DLC1: variants seen among roughly 807,000 people sequenced by gnomAD.
DLC1 encodes DLC1 Rho GTPase activating protein, also known as rho GTPase-activating protein 7.
In DLC1, 54 loss-of-function variants were observed where a neutral mutation model predicts 140.3. That is an observed-to-expected ratio of 0.38 (90% CI 0.31 to 0.48). The LOEUF is 0.48. DLC1 is among the 20% of genes least tolerant of loss of function. The pLI is 0.96. For synonymous variants in DLC1, 986 were observed against 728.1 expected, an observed-to-expected ratio of 1.35 and a Z score of -5.70; for missense variants, 2,536 against 1,907.0, an observed-to-expected ratio of 1.33 and a Z score of -6.14.
intron 1 of DLC1, among the ~76,000 whole-genome samples, chr8:13,589,549 T>A (rs1022263046): frequency 6.6e-6 from 1 of 152,102 alleles, no homozygotes. Context: ...TATGACATCA[T>A]AGAGAATCAT....
chr8:13,269,730 C>T (rs1189898568), intron 5 of DLC1, among the ~76,000 whole-genome samples: 1 of 131,218 alleles, frequency 7.6e-6, no homozygotes, highest in Non-Finnish European at 1.6e-5. Context: ...AAAAAAGACA[C>T]ATTATAATTA....
chr8:13,093,376 C>G (rs558631983), intron 12 of DLC1, among the ~76,000 whole-genome samples: 1 of 151,948 alleles, frequency 6.6e-6, no homozygotes, highest in Non-Finnish European at 1.5e-5. Flanking sequence ...CTGAATTGAA[C>G]TGAACTGAAA....
At chr8:13,229,645 G>C (rs1163290159) in intron 5 of DLC1, among the ~76,000 whole-genome samples, 1 of 150,666 alleles carries the variant, frequency 6.6e-6, no homozygotes, top group Non-Finnish European at 1.5e-5. Flanking sequence ...AAGGAAGAGA[G>C]AGAGAAAGAG....
Position 13,270,242 on chromosome 8 carries a change from G to C in DLC1, c.1348+35027C>G, listed in dbSNP as rs143625575. Reference sequence around the variant, plus strand: ...AATATGACCCTCCTACCAGGCCTTCGATTTTGGACATATCTAGGTATTGTA... The same window carrying C: ...AATATGACCCTCCTACCAGGCCTTCCATTTTGGACATATCTAGGTATTGTA... On this transcript the variant is annotated intron_variant, in intron 5 of 17. Transcript: ENST00000276297. Among the ~76,000 whole-genome samples the C allele has an allele frequency of 7.0e-3, 1,058 of 152,190 alleles. 10 individuals carry two copies. Among genetic ancestry groups the C allele is most frequent in the Non-Finnish European group, 0.012 (810 of 68,016 alleles).
At chr8:13,354,620 T>C (rs1834834726) in intron 4 of DLC1, among the ~76,000 whole-genome samples, 1 of 152,072 alleles carries the variant, frequency 6.6e-6, no homozygotes, top group African/African-American at 2.4e-5. Context: ...ACTTAGCTCA[T>C]TGGTAAAGTT....
intron 5 of DLC1, among the ~76,000 whole-genome samples, chr8:13,225,064 A>G (rs1055894688): frequency 6.6e-6 from 1 of 152,228 alleles, no homozygotes; most frequent in Non-Finnish European, 1.5e-5. Flanking sequence ...GATCCCAGCC[A>G]CTTAATTTCA....
intron 5 of DLC1, among the ~76,000 whole-genome samples, chr8:13,195,250 T>A (rs905609572): frequency 6.6e-6 from 1 of 150,780 alleles, no homozygotes; most frequent in African/African-American, 2.4e-5. Context: ...CAGAGTTGCA[T>A]GGATACCTTG....
At chr8:13,519,122 C>A (rs972762696), upstream of DLC1, among the ~76,000 whole-genome samples, 2 of 150,672 alleles carry the variant, frequency 1.3e-5, no homozygotes, top group African/African-American at 4.9e-5. Flanking sequence ...GGTATATCTC[C>A]TAATGCTATC....
intron 2 of DLC1, among the ~76,000 whole-genome samples, chr8:13,405,229 C>T (rs73553450): frequency 0.17 from 25,186 of 151,968 alleles, 2,784 homozygotes; most frequent in East Asian, 0.39. Context: ...TGGGGTATGA[C>T]TGATCCTGTC....
intron 1 of DLC1, among the ~76,000 whole-genome samples, chr8:13,579,363 T>TA (rs1563454119): frequency 2.9e-4 from 11 of 38,192 alleles, no homozygotes; most frequent in African/African-American, 1.5e-3. Flanking sequence ...ATATATATAT[T>TA]TTTATATAAT....
intron 4 of DLC1, among the ~76,000 whole-genome samples, chr8:13,351,266 A>G (rs1834649581): frequency 6.6e-6 from 1 of 152,254 alleles, no homozygotes; most frequent in African/African-American, 2.4e-5. Flanking sequence ...AAGGATTATT[A>G]TCCTCATGTT....
chr8:13,282,067 C>T (rs1420461675), intron 5 of DLC1, among the ~76,000 whole-genome samples: 1 of 152,176 alleles, frequency 6.6e-6, no homozygotes, highest in East Asian at 1.9e-4. Flanking sequence ...AGGGTGGGGA[C>T]TCGTCCCTCC....
At chr8:13,383,721 A>T (rs1836377452) in intron 4 of DLC1, among the ~76,000 whole-genome samples, 1 of 152,202 alleles carries the variant, frequency 6.6e-6, no homozygotes, top group South Asian at 2.1e-4. Context: ...CATCGGTGGA[A>T]GTCAGGTGCC....
At chr8:13,242,675 G>A (rs995852758) in intron 5 of DLC1, among the ~76,000 whole-genome samples, 15 of 152,106 alleles carry the variant, frequency 9.9e-5, no homozygotes, top group South Asian at 2.1e-4. Context: ...TTACAGGTGT[G>A]AGCCATTGTG....
chr8:13,313,644 G>A (rs1287159969), intron 4 of DLC1, among the ~76,000 whole-genome samples: 1 of 152,096 alleles, frequency 6.6e-6, no homozygotes, highest in African/African-American at 2.4e-5. Context: ...TATTTATTCG[G>A]AAATAATGCA....
At chr8:13,338,572 A>G (rs1360347788) in intron 4 of DLC1, 1 of 152,236 alleles carries the variant, frequency 6.6e-6, no homozygotes, top group African/African-American at 2.4e-5. Context: ...TCCTTTACCA[A>G]TGACTCTTTT....
At position 13,230,845 on chromosome 8, in the gene DLC1, C is replaced by A. The variant is rs1201274784; in HGVS notation, c.1348+74424G>T. Among the ~76,000 whole-genome samples, 3 of 152,106 alleles carry A rather than the reference C, an allele frequency of 2.0e-5. No homozygotes were observed. The East Asian group carries it at 5.8e-4, about 29-fold the overall frequency. ...CTCCTGACCTCAGGTGATCTGCCCACCTCGGCCTCCCAAAGTGCTGGGGTT... is the reference window on the plus strand; with the variant it reads ...CTCCTGACCTCAGGTGATCTGCCCAACTCGGCCTCCCAAAGTGCTGGGGTT... On this transcript the variant is annotated intron_variant, in intron 5 of 17. Transcript: ENST00000276297.
intron 2 of DLC1, among the ~76,000 whole-genome samples, chr8:13,492,383 G>C (rs1801292405): frequency 6.6e-6 from 1 of 152,010 alleles, no homozygotes; most frequent in Non-Finnish European, 1.5e-5. Context: ...ATTCCAGCCT[G>C]CTACATATTC....
chr8:13,316,071 A>C (rs948478668), intron 4 of DLC1, among the ~76,000 whole-genome samples: 1 of 152,112 alleles, frequency 6.6e-6, no homozygotes, highest in Non-Finnish European at 1.5e-5. Flanking sequence ...CCTTTCAAGA[A>C]CAGCACGCAG....
Sources: allele counts gnomAD v4.1 joint callset (sites outside exome capture counted in the v4.1 genomes callset), GRCh38; gene constraint gnomAD v4.1.1; transcripts MANE v1.5; gene names NCBI Gene and HGNC (gene_info 2026-07-23, HGNC 2026-07-21).